The following HYAL4 variants were observed in gnomAD, a reference collection of about 807,000 sequenced individuals.
HYAL4 encodes hyaluronidase 4, also known as hyaluronidase-4.
In HYAL4, 37 loss-of-function variants were observed where a neutral mutation model predicts 35.2. The ratio of observed to expected loss-of-function variants is 1.05; its 90% CI spans 0.81 to 1.38. The LOEUF is 1.38. HYAL4 is among the 40% of genes most tolerant of loss of function. The probability of loss-of-function intolerance (pLI) is 0.00; values close to 1 mark genes in which losing one functional copy is unlikely to be tolerated. For missense variants in HYAL4, 572 were observed against 572.4 expected (o/e 1.00, Z 0.01); for synonymous variants, 198 against 203.2 (o/e 0.97, Z 0.22).
the HYAL4 span, among the ~76,000 whole-genome samples, chr7:123,800,675 T>C: frequency 6.6e-6 from 1 of 151,906 alleles, no homozygotes; most frequent in African/African-American, 2.4e-5. Flanking sequence ...GTTTTGTTTT[T>C]AGACGCAGTC....
rs143498306 is a variant in HYAL4, at chr7:123,869,116, G to A, written c.843G>A (p.Arg281=). 1,172 of 1,613,998 alleles carry A rather than the reference G, an allele frequency of 7.3e-4. 1 individual carries two copies. Among genetic ancestry groups the A allele is most frequent in the Non-Finnish European group, 9.3e-4 (1,094 of 1,179,998 alleles). Residue 281 remains arginine, a synonymous_variant, in exon 3 of 5, where the codon CGG becomes CGA. Transcript: ENST00000223026. ...ACATTTTGCGCTTCTCCAAATTTCGGGTGCATGAATCCATGAGGATCTCCA... is the reference window on the plus strand; with the variant it reads ...ACATTTTGCGCTTCTCCAAATTTCGAGTGCATGAATCCATGAGGATCTCCA... ...SENILRFSKF[R]VHESMRISTM...
chr7:123,818,166 T>C, the HYAL4 span, among the ~76,000 whole-genome samples: 1 of 152,218 alleles, frequency 6.6e-6, no homozygotes, highest in African/African-American at 2.4e-5. Flanking sequence ...CGTGAGCCAC[T>C]GCACCTGACC....
chr7:123,765,451 ATC>A, the HYAL4 span, among the ~76,000 whole-genome samples: 1 of 152,156 alleles, frequency 6.6e-6, no homozygotes, highest in African/African-American at 2.4e-5. Context: ...TGTATTAGGT[ATC>A]TCAGTTCTAT....
chr7:123,876,730 A>T (rs1344930466), intron 4 of HYAL4, 24 bp from the exon 5 acceptor site: 1 of 1,599,526 alleles, frequency 6.3e-7, no homozygotes, highest in South Asian at 1.1e-5. Context: ...ACACACTAAA[A>T]TTGATTTCTT....
Position 123,868,588 on chromosome 7 carries a change from G to T in HYAL4, c.315G>T (p.Gly105=), listed in dbSNP as rs756000691. ...ACTATCCGTGGTATACATCACAAGG[G>T]GTCCCCATTAATGGAGGTCTCCCAC... is the stretch of plus-strand genomic sequence containing the variant. ...LGYYPWYTSQ[G]VPINGGLPQN... is the part of the protein sequence containing the mutation. The change falls in exon 3 of 5, where the codon GGG becomes GGT. Residue 105 remains glycine, a synonymous_variant. Transcript: ENST00000223026. The T allele has an allele frequency of 9.3e-6, 15 of 1,614,132 alleles. No homozygotes were observed. Among genetic ancestry groups the T allele is most frequent in the Non-Finnish European group, 1.3e-5 (15 of 1,180,012 alleles).
At chr7:123,840,608 C>G (rs1484691666), upstream of HYAL4, among the ~76,000 whole-genome samples, 1 of 151,960 alleles carries the variant, frequency 6.6e-6, no homozygotes, top group African/African-American at 2.4e-5. Flanking sequence ...ATTGATTCTT[C>G]CTATGCATGA....
upstream of HYAL4, among the ~76,000 whole-genome samples, chr7:123,844,891 A>G (rs568292577): frequency 7.9e-5 from 12 of 152,070 alleles, no homozygotes; most frequent in South Asian, 1.5e-3. Context: ...GAAAAGCACT[A>G]TTTTGGTGGG....
chr7:123,793,660 G>T, the HYAL4 span, among the ~76,000 whole-genome samples: 4 of 152,152 alleles, frequency 2.6e-5, no homozygotes, highest in East Asian at 3.8e-4. Flanking sequence ...GGATGTGTTT[G>T]CTTCCCCTTC....
chr7:123,790,787 T>C, the HYAL4 span: 4 of 151,754 alleles, frequency 2.6e-5, no homozygotes, highest in African/African-American at 9.7e-5. Flanking sequence ...TTTTTTAAGA[T>C]GGAGTTTTGC....
chr7:123,796,546 C>G, the HYAL4 span, among the ~76,000 whole-genome samples: 3 of 152,208 alleles, frequency 2.0e-5, no homozygotes, highest in African/African-American at 7.2e-5. Flanking sequence ...AGTCTGTTGA[C>G]ACACAGAATT....
At chr7:123,795,192 T>C in the HYAL4 span, among the ~76,000 whole-genome samples, 2 of 152,248 alleles carry the variant, frequency 1.3e-5, no homozygotes, top group Non-Finnish European at 2.9e-5. Flanking sequence ...ATTTACCCAA[T>C]GCCTGTACCC....
chr7:123,827,407 C>T (rs559123960), upstream of HYAL4, among the ~76,000 whole-genome samples: 146 of 152,172 alleles, frequency 9.6e-4, no homozygotes, highest in South Asian at 4.4e-3. Flanking sequence ...TGACTCCTGC[C>T]GACCTTTGTC....
chr7:123,829,596 A>C lies in HYAL4; in HGVS notation c.-257+472A>C, dbSNP rs1219069765. On this transcript the variant is annotated intron_variant, in intron 1 of 4. Transcript: ENST00000489978. Reference sequence around the variant, plus strand: ...AATATACCTGCTCTCAGGGAGCTTAAATACTTGTGGGAAAATGAACAATGA... The same window carrying C: ...AATATACCTGCTCTCAGGGAGCTTACATACTTGTGGGAAAATGAACAATGA... 2.0e-5 allele frequency among the ~76,000 whole-genome samples: 3 copies of C among 152,200 alleles called. No individual in the cohort carries two copies. The East Asian group carries it at 5.8e-4, about 29-fold the overall frequency.
chr7:123,833,765 T>A (rs556963729), intron 1 of HYAL4, among the ~76,000 whole-genome samples: 1 of 152,136 alleles, frequency 6.6e-6, no homozygotes, highest in Non-Finnish European at 1.5e-5. Flanking sequence ...TTTTGTATAA[T>A]GTGAGGGATG....
chr7:123,787,120 A>G, the HYAL4 span, among the ~76,000 whole-genome samples: 1 of 149,690 alleles, frequency 6.7e-6, no homozygotes, highest in Non-Finnish European at 1.5e-5. Context: ...AAAAAAAAAA[A>G]AAAAAAAGAA....
At chr7:123,784,602 T>C in the HYAL4 span, among the ~76,000 whole-genome samples, 1 of 152,250 alleles carries the variant, frequency 6.6e-6, no homozygotes, top group African/African-American at 2.4e-5. Flanking sequence ...AGGGAATTAC[T>C]TTCTGGTTAA....
chr7:123,814,398 C>G, the HYAL4 span: 1 of 152,564 alleles, frequency 6.6e-6, no homozygotes, highest in African/African-American at 2.4e-5. Flanking sequence ...GGGTATTACC[C>G]TTACTTATCT....
At chr7:123,832,479 CTTTTTTTTTTTTTTTTTTTTTTTTTT>C (rs71163703) in intron 1 of HYAL4, among the ~76,000 whole-genome samples, 8 of 21,818 alleles carry the variant, frequency 3.7e-4, no homozygotes, top group Non-Finnish European at 5.8e-4. Context: ...TTGTGTCATA[CTTTTTTTTTTTTTTTTTTTTTTTTTT>C]TTTTTTTTTT....
chr7:123,835,563 G>C (rs748233460), intron 1 of HYAL4, among the ~76,000 whole-genome samples: 9 of 151,520 alleles, frequency 5.9e-5, no homozygotes, highest in African/African-American at 1.2e-4. Flanking sequence ...GTATTTTTTT[G>C]TTTCAATTTT....
Sources: allele counts gnomAD v4.1 joint callset (sites outside exome capture counted in the v4.1 genomes callset), GRCh38; gene constraint gnomAD v4.1.1; transcripts MANE v1.5; gene names NCBI Gene and HGNC (gene_info 2026-07-23, HGNC 2026-07-21).